Variants in ROBO1 observed in about 807,000 individuals in gnomAD.
ROBO1 encodes the protein roundabout guidance receptor 1.
ROBO1 carries 149 observed loss-of-function variants against 195.9 expected under a neutral mutation model. The ratio of observed to expected loss-of-function variants is 0.76; its 90% CI spans 0.67 to 0.87. The LOEUF (loss-of-function observed/expected upper bound fraction) is 0.87. Among genes scored for constraint, ROBO1 ranks in the 40% least tolerant of loss-of-function variants. ROBO1 has a pLI of 0.00. For synonymous variants in ROBO1, 816 were observed against 733.2 expected, an observed-to-expected ratio of 1.11 and a Z score of -1.82; for missense variants, 1,933 against 2,068.3, an observed-to-expected ratio of 0.93 and a Z score of 1.27.
At chr3:78,711,427 C>CT (rs1383205755) in intron 8 of ROBO1, among the ~76,000 whole-genome samples, 6 of 110,782 alleles carry the variant, frequency 5.4e-5, no homozygotes, top group Admixed American at 5.0e-4. Context: ...TTCTTTCTTT[C>CT]TTTCTTTCTT....
intron 3 of ROBO1, among the ~76,000 whole-genome samples, chr3:79,015,963 T>C (rs1204108574): frequency 1.3e-5 from 2 of 152,212 alleles, no homozygotes; most frequent in Non-Finnish European, 2.9e-5. Flanking sequence ...AGGTTAAATC[T>C]TGTTGAAGGT....
intron 4 of ROBO1, among the ~76,000 whole-genome samples, chr3:78,765,703 G>A (rs1392747821): frequency 1.3e-5 from 2 of 152,128 alleles, no homozygotes; most frequent in East Asian, 1.9e-4. Flanking sequence ...AAGGCAAAGG[G>A]ATCCAGTCTC....
intron 1 of ROBO1, among the ~76,000 whole-genome samples, chr3:79,642,223 C>G (rs1383239191): frequency 6.6e-6 from 1 of 151,918 alleles, no homozygotes. Flanking sequence ...TGAAAATACA[C>G]AGTCAGAGGA....
intron 2 of ROBO1, among the ~76,000 whole-genome samples, chr3:79,579,072 T>G (rs1252669995): frequency 2.0e-5 from 3 of 152,206 alleles, no homozygotes; most frequent in Non-Finnish European, 2.9e-5. Context: ...AGTCTTATAT[T>G]AGATGGCATC....
intron 1 of ROBO1, among the ~76,000 whole-genome samples, chr3:79,765,524 T>C (rs1704937987): frequency 2.0e-5 from 3 of 152,094 alleles, no homozygotes; most frequent in African/African-American, 7.2e-5. Context: ...CCTCAAGATA[T>C]AGTAGAGAAG....
chr3:78,811,043 T>A (rs1195976798), intron 4 of ROBO1, among the ~76,000 whole-genome samples: 1 of 152,132 alleles, frequency 6.6e-6, no homozygotes, highest in Non-Finnish European at 1.5e-5. Flanking sequence ...GGCAGTTTGC[T>A]TTACATGAAA....
intron 3 of ROBO1, among the ~76,000 whole-genome samples, chr3:79,058,175 C>T (rs1028567980): frequency 2.0e-5 from 3 of 152,032 alleles, no homozygotes; most frequent in Admixed American, 6.6e-5. Context: ...TTTGGGAAGA[C>T]TGTGTTAACT....
chr3:79,760,839 A>G (rs985824719), intron 1 of ROBO1, among the ~76,000 whole-genome samples: 31 of 82,506 alleles, frequency 3.8e-4, no homozygotes, highest in African/African-American at 1.2e-3. Context: ...TACAAATACT[A>G]CAGGGTACTG....
intron 3 of ROBO1, among the ~76,000 whole-genome samples, chr3:79,070,888 T>C (rs559604258): frequency 1.3e-5 from 2 of 151,954 alleles, no homozygotes; most frequent in East Asian, 3.9e-4. Flanking sequence ...TATAGCTAAT[T>C]CTTTTTATAC....
At chr3:79,293,326 A>C (rs1210919815) in intron 2 of ROBO1, among the ~76,000 whole-genome samples, 1 of 152,138 alleles carries the variant, frequency 6.6e-6, no homozygotes, top group Admixed American at 6.6e-5. Context: ...TTTTCAAAAA[A>C]ACAGCTACTG....
chr3:78,871,819 T>C (rs1318696674), intron 4 of ROBO1, among the ~76,000 whole-genome samples: 4 of 151,584 alleles, frequency 2.6e-5, no homozygotes, highest in African/African-American at 7.3e-5. Context: ...ATGAAAAATT[T>C]TGGTCTGACA....
chr3:78,757,762 C>T (rs1484383228), intron 4 of ROBO1, among the ~76,000 whole-genome samples: 2 of 152,122 alleles, frequency 1.3e-5, no homozygotes, highest in African/African-American at 4.8e-5. Context: ...AGGAATATTT[C>T]AGTGATAGAA....
At chr3:79,526,141 A>G (rs544338664) in intron 2 of ROBO1, among the ~76,000 whole-genome samples, 81 of 152,320 alleles carry the variant, frequency 5.3e-4, no homozygotes, top group Non-Finnish European at 1.0e-3. Context: ...GGAAGAATTT[A>G]TGTAATTGCA....
chr3:79,233,556 CAA>C (rs1342354053), intron 2 of ROBO1, among the ~76,000 whole-genome samples: 1 of 151,976 alleles, frequency 6.6e-6, no homozygotes, highest in Non-Finnish European at 1.5e-5. Flanking sequence ...GCAGAGAAGC[CAA>C]AGTCCTTGAC....
chr3:79,064,479 G>A (rs990399421), intron 3 of ROBO1, among the ~76,000 whole-genome samples: 1 of 151,674 alleles, frequency 6.6e-6, no homozygotes, highest in Non-Finnish European at 1.5e-5. Flanking sequence ...ACTTCACCCT[G>A]TTAGTGTCTA....
chr3:78,975,961 A>C (rs1422777814), intron 3 of ROBO1, among the ~76,000 whole-genome samples: 2 of 152,210 alleles, frequency 1.3e-5, no homozygotes, highest in African/African-American at 2.4e-5. Context: ...TTACTCAACA[A>C]ATACTTAAAA....
At chr3:79,753,243 A>G (rs780180542) in intron 1 of ROBO1, among the ~76,000 whole-genome samples, 2 of 152,088 alleles carry the variant, frequency 1.3e-5, no homozygotes, top group Admixed American at 1.3e-4. Context: ...TCACATTCCC[A>G]GCAATTCTGA....
chr3:79,545,308 C>T (rs1291096847), intron 2 of ROBO1, among the ~76,000 whole-genome samples: 1 of 152,170 alleles, frequency 6.6e-6, no homozygotes, highest in Non-Finnish European at 1.5e-5. Flanking sequence ...CATACTCTCC[C>T]AGTCTATAAC....
intron 2 of ROBO1, among the ~76,000 whole-genome samples, chr3:79,126,693 A>C (rs1346914071): frequency 6.6e-6 from 1 of 152,232 alleles, no homozygotes; most frequent in Non-Finnish European, 1.5e-5. Context: ...TGTTCTGAGC[A>C]GTGAAGAAGC....
Sources: allele counts gnomAD v4.1 joint callset (sites outside exome capture counted in the v4.1 genomes callset), GRCh38; gene constraint gnomAD v4.1.1; transcripts MANE v1.5; gene names NCBI Gene and HGNC (gene_info 2026-07-23, HGNC 2026-07-21).